HDGFL2: variants seen among roughly 807,000 people sequenced by gnomAD.
The protein encoded by HDGFL2 is HDGF like 2, also known as hepatoma-derived growth factor-related protein 2.
HDGFL2 carries 36 observed loss-of-function variants against 77.1 expected under a neutral mutation model. The ratio of observed to expected loss-of-function variants is 0.47; its 90% CI spans 0.36 to 0.62. HDGFL2 has a LOEUF of 0.62. HDGFL2 is among the 20% of genes least tolerant of loss of function. HDGFL2 has a pLI of 0.00. For missense variants in HDGFL2, 976 were observed against 973.4 expected, an observed-to-expected ratio of 1.00 and a Z score of -0.04; for synonymous variants, 463 against 413.1, an observed-to-expected ratio of 1.12 and a Z score of -1.46.
At chr19:4,497,736 GA>G in intron 10 of HDGFL2, 1 of 558,534 alleles carries the variant, frequency 1.8e-6, no homozygotes, top group Non-Finnish European at 3.2e-6. Flanking sequence ...GAGAACTCGG[GA>G]AAAGGCTTGT....
At chr19:4,480,992 G>A (rs1385691889) in intron 3 of HDGFL2, among the ~76,000 whole-genome samples, 1 of 148,736 alleles carries the variant, frequency 6.7e-6, no homozygotes, top group Non-Finnish European at 1.5e-5. Flanking sequence ...TAGTAGGTGG[G>A]ATTACGGGCA....
rs67297373 is a variant in HDGFL2, at chr19:4,500,452, A to AT, written c.1790-713dup. Among the ~76,000 whole-genome samples, 246 of 88,710 alleles carry AT rather than the reference A, an allele frequency of 2.8e-3. 5 individuals are homozygous for AT. The highest frequency in any genetic ancestry group is 0.02 in the East Asian group (61 of 3,106). The allele number at this position is 88,710 out of a possible 152,430, so 58.2% of individuals were successfully genotyped here. ...AGGCCTACACCACTATGCCCTGCTA[A>AT]TTTTTTTTTTTTTTTTTTTTTTTTT... On this transcript the variant is annotated intron_variant, in intron 14 of 15. Transcript: ENST00000616600.
In HDGFL2 at chr19:4,493,801, TTCC is replaced by T. The variant is rs772471793; in HGVS notation, c.790_792del (p.Ser264del). 3.5e-4 allele frequency: 539 copies of T among 1,531,006 alleles called. No individual in the cohort carries two copies. Among genetic ancestry groups the T allele is most frequent in the Admixed American group, 9.7e-4 (48 of 49,658 alleles). The allele number at this position is 1,531,006 out of a possible 1,614,324, so 94.8% of individuals were successfully genotyped here. A position where few individuals can be genotyped will look rare whatever the true frequency, so the allele number is the denominator to read the frequency against. ...CGCGGTCGGCGTCCTCCTCCTCCTC[TTCC>T]TCCTCCTCCTCCGACTCCGATGTGT... On this transcript the variant is annotated inframe_deletion, in exon 7 of 16. Coordinates refer to ENST00000616600, the MANE Select transcript of HDGFL2 (RefSeq NM_001001520.3).
rs998759249 is a variant in HDGFL2, at chr19:4,496,388, G to A, written c.1311G>A (p.Glu437=). ...AGAAGGAGAAGAGAGTGCGGCCCGA[G>A]GAGAAGCAACAAGCCAAGTGAGCCC... is the stretch of plus-strand genomic sequence containing the variant. ...PGQKEKRVRP[E]EKQQAKPVKV... The change falls in exon 10 of 16, where the codon GAG becomes GAA. Residue 437 remains glutamate (E), a synonymous_variant. Transcript: ENST00000616600. 6.2e-7 allele frequency: 1 copy of A among 1,613,864 alleles called. No individual in the cohort carries two copies. The highest frequency in any genetic ancestry group is 8.5e-7 in the Non-Finnish European group (1 of 1,179,866).
intron 14 of HDGFL2, 81 bp from the exon 15 acceptor site, chr19:4,501,107 CCTG>C (rs1222371012): frequency 5.1e-6 from 8 of 1,570,628 alleles, no homozygotes; most frequent in Non-Finnish European, 6.9e-6. Context: ...CAGCTTGGCC[CCTG>C]GTCCAGTCCT....
intron 3 of HDGFL2, among the ~76,000 whole-genome samples, chr19:4,476,904 G>T (rs891543921): frequency 1.3e-5 from 2 of 151,796 alleles, no homozygotes; most frequent in Non-Finnish European, 2.9e-5. Context: ...GGGGGCCGGG[G>T]TTAGTAGCCC....
chr19:4,494,271 G>T lies in HDGFL2; in HGVS notation c.1020G>T (p.Arg340=). ...RRRREQEEEL[R]RLREQEKEEK... The stretch of plus-strand genomic sequence containing the variant: ...GGCGAGAGCAGGAGGAGGAGCTGCG[G>T]CGCCTGCGGGAGCAGGAGAAGGAGG... The change falls in exon 9 of 16, where the codon CGG becomes CGT. Residue 340 remains arginine, a synonymous_variant. Coordinates refer to ENST00000616600, the MANE Select transcript of HDGFL2 (RefSeq NM_001001520.3). 6.9e-7 allele frequency: 1 copy of T among 1,453,464 alleles called. No individual in the cohort carries two copies. The allele number at this position is 1,453,464 out of a possible 1,614,324, so 90.0% of individuals were successfully genotyped here.
chr19:4,498,162 C>T lies in HDGFL2; in HGVS notation c.1402+131C>T, dbSNP rs577026136. On this transcript the variant is annotated intron_variant, in intron 11 of 15. Transcript: ENST00000616600. Reference sequence around the variant, plus strand: ...GCACATCCTCGGCCGGCCTGGCCGGCGGTGCCTCCAGGGGTGGGGGCTGAG... The same window carrying T: ...GCACATCCTCGGCCGGCCTGGCCGGTGGTGCCTCCAGGGGTGGGGGCTGAG... 1.3e-5 allele frequency: 15 copies of T among 1,135,884 alleles called. No homozygotes were observed. The East Asian group carries it at 1.8e-4, about 14-fold the overall frequency. The allele number at this position is 1,135,884 out of a possible 1,614,324, so 70.4% of individuals were successfully genotyped here.
intron 4 of HDGFL2, among the ~76,000 whole-genome samples, chr19:4,490,508 G>A (rs144908290): frequency 9.5e-4 from 145 of 152,308 alleles, no homozygotes; most frequent in African/African-American, 3.4e-3. Context: ...TCAGGCTGCC[G>A]TGAACGTTTC....
intron 3 of HDGFL2, among the ~76,000 whole-genome samples, chr19:4,485,023 G>T (rs1401911837): frequency 6.6e-6 from 1 of 151,944 alleles, no homozygotes; most frequent in African/African-American, 2.4e-5. Context: ...AGCCAGGATG[G>T]TCTCCATCTC....
At chr19:4,486,071 AC>A (rs377711130) in intron 3 of HDGFL2, among the ~76,000 whole-genome samples, 3 of 149,234 alleles carry the variant, frequency 2.0e-5, no homozygotes, top group South Asian at 2.1e-4. Flanking sequence ...AAAAAAAAAA[AC>A]AACAACCACG....
chr19:4,492,879 GGTGT>G (rs771847934), intron 6 of HDGFL2, among the ~76,000 whole-genome samples: 2 of 129,920 alleles, frequency 1.5e-5, no homozygotes, highest in Non-Finnish European at 3.2e-5. Context: ...TGTGTGGTGT[GGTGT>G]GTGTTATCTG....
intron 3 of HDGFL2, among the ~76,000 whole-genome samples, chr19:4,485,174 C>G (rs1975329102): frequency 6.6e-6 from 1 of 152,186 alleles, no homozygotes; most frequent in South Asian, 2.1e-4. Flanking sequence ...CTCTTCTCCC[C>G]TCAAGCCTCA....
intron 3 of HDGFL2, among the ~76,000 whole-genome samples, chr19:4,479,591 A>G (rs998899392): frequency 4.1e-5 from 6 of 145,080 alleles, no homozygotes; most frequent in African/African-American, 1.3e-4. Context: ...AAAAAAAAAA[A>G]AAAGAAAGAA....
intron 10 of HDGFL2, 38 bp downstream of exon 10, chr19:4,496,443 C>T (rs780527432): frequency 3.5e-5 from 52 of 1,471,668 alleles, no homozygotes; most frequent in Middle Eastern, 4.0e-4. Flanking sequence ...CTGGGGGCCC[C>T]GCACCCCGCA....
chr19:4,473,557 C>A (rs1198829073), intron 1 of HDGFL2, among the ~76,000 whole-genome samples: 1 of 151,592 alleles, frequency 6.6e-6, no homozygotes, highest in Non-Finnish European at 1.5e-5. Context: ...CCTTGTGGGT[C>A]CTGGAGAAGC....
At position 4,493,681 on chromosome 19, in the gene HDGFL2, G is replaced by T. The variant is rs930245603; in HGVS notation, c.679-22G>T. The stretch of plus-strand genomic sequence containing the variant: ...TCACGGTGGGGCTCCTGATGCTCAC[G>T]CCTGTCCCTGCTTCTCCCCAGAAGG... On this transcript the variant is annotated intron_variant, in intron 6 of 15. Transcript: ENST00000616600. 27 of 1,440,838 alleles carry T rather than the reference G, an allele frequency of 1.9e-5. No homozygotes were observed. The South Asian group carries it at 2.5e-4, about 13-fold the overall frequency. The allele number at this position is 1,440,838 out of a possible 1,614,324, so 89.3% of individuals were successfully genotyped here. A position where few individuals can be genotyped will look rare whatever the true frequency, so the allele number is the denominator to read the frequency against.
intron 6 of HDGFL2, 90 bp from the exon 7 acceptor site, chr19:4,493,613 G>A (rs1256496920): frequency 2.3e-6 from 3 of 1,296,814 alleles, no homozygotes; most frequent in Non-Finnish European, 3.0e-6. Context: ...CCTGGCGGCT[G>A]CAGGGGTGCG....
intron 1 of HDGFL2, among the ~76,000 whole-genome samples, chr19:4,473,235 A>G (rs1599694084): frequency 1.1e-5 from 1 of 92,794 alleles, no homozygotes; most frequent in African/African-American, 4.5e-5. Flanking sequence ...GGCCTGAAGG[A>G]GCTGCGGCGC....
Sources: allele counts gnomAD v4.1 joint callset (sites outside exome capture counted in the v4.1 genomes callset), GRCh38; gene constraint gnomAD v4.1.1; transcripts MANE v1.5; gene names NCBI Gene and HGNC (gene_info 2026-07-23, HGNC 2026-07-21).